The following ZNF407 variants were observed in gnomAD, a reference collection of about 807,000 sequenced individuals.
The protein encoded by ZNF407 is zinc finger protein 407.
In ZNF407, 17 loss-of-function variants were observed where a neutral mutation model predicts 131.2. The observed-to-expected ratio is 0.13, with a 90% CI of 0.09 to 0.19. The LOEUF is 0.19. ZNF407 is among the 10% of genes least tolerant of loss of function. The probability of loss-of-function intolerance (pLI) is 1.00; values close to 1 mark genes in which losing one functional copy is unlikely to be tolerated. For missense variants in ZNF407, 2,681 were observed against 2,830.6 expected, an observed-to-expected ratio of 0.95 and a Z score of 1.20; for synonymous variants, 1,156 against 1,062.0, an observed-to-expected ratio of 1.09 and a Z score of -1.72.
chr18:74,599,456 G>A (rs1380841816), intron 1 of ZNF407, among the ~76,000 whole-genome samples: 1 of 152,142 alleles, frequency 6.6e-6, no homozygotes, highest in Non-Finnish European at 1.5e-5. Context: ...CACCCTTCTA[G>A]GTGTTGGAAA....
intron 1 of ZNF407, among the ~76,000 whole-genome samples, chr18:74,622,829 CGTGTGAGT>C (rs1451851318): frequency 0.019 from 862 of 44,528 alleles, 2 homozygotes; most frequent in Middle Eastern, 0.029. Context: ...AATGTGAGTA[CGTGTGAGT>C]GTGTATCTGA....
At chr18:74,860,618 C>G (rs1327205390) in intron 4 of ZNF407, among the ~76,000 whole-genome samples, 1 of 151,730 alleles carries the variant, frequency 6.6e-6, no homozygotes, top group African/African-American at 2.4e-5. Context: ...TTTGTTGCTG[C>G]CAAAGTAAGT....
chr18:75,038,732 C>T (rs1161129818), intron 8 of ZNF407, among the ~76,000 whole-genome samples: 1 of 152,190 alleles, frequency 6.6e-6, no homozygotes, highest in Non-Finnish European at 1.5e-5. Flanking sequence ...CGCTTAGAAA[C>T]TTAGGAGTTA....
At chr18:75,046,800 A>G (rs1013579041) in intron 8 of ZNF407, among the ~76,000 whole-genome samples, 2 of 150,422 alleles carry the variant, frequency 1.3e-5, no homozygotes, top group African/African-American at 4.9e-5. Context: ...CCCTCCTTGC[A>G]TGTGTTTTCT....
chr18:74,786,847 C>T (rs1969728022), intron 4 of ZNF407, among the ~76,000 whole-genome samples: 2 of 123,452 alleles, frequency 1.6e-5, no homozygotes, highest in African/African-American at 3.1e-5. Flanking sequence ...CTCTTGTTGC[C>T]CAGGCTGGAG....
intron 8 of ZNF407, among the ~76,000 whole-genome samples, chr18:74,973,130 A>ATG (rs1972491133): frequency 7.1e-6 from 1 of 140,868 alleles, no homozygotes; most frequent in Non-Finnish European, 1.5e-5. Context: ...TCTAGGTTTT[A>ATG]TATATATATG....
intron 4 of ZNF407, among the ~76,000 whole-genome samples, chr18:74,824,740 A>G (rs1034619384): frequency 2.0e-5 from 3 of 152,232 alleles, no homozygotes; most frequent in Non-Finnish European, 2.9e-5. Context: ...CAACCAAAAA[A>G]AGTCCAGGAA....
rs775896639 is a variant in ZNF407, at chr18:74,631,616, T to G, written c.597T>G (p.Ser199=). 35 of 1,613,772 alleles carry G rather than the reference T, an allele frequency of 2.2e-5. No individual in the cohort carries two copies. The highest frequency in any genetic ancestry group is 2.9e-5 in the Non-Finnish European group (34 of 1,179,908). Residue 199 remains serine, a synonymous_variant, in exon 2 of 9, where the codon TCT becomes TCG. Transcript: ENST00000299687. ...SICGHLFSSC[S]DLEKHAESHM... is the part of the protein sequence containing the mutation. The stretch of plus-strand genomic sequence containing the variant: ...GTGGGCATTTGTTTTCTTCTTGCTC[T>G]GACTTGGAAAAACATGCTGAGTCTC...
chr18:74,768,105 A>T (rs1969283075), intron 3 of ZNF407, among the ~76,000 whole-genome samples: 1 of 152,190 alleles, frequency 6.6e-6, no homozygotes, highest in Non-Finnish European at 1.5e-5. Flanking sequence ...TAGTATTTTT[A>T]AAGCATTAAA....
intron 3 of ZNF407, among the ~76,000 whole-genome samples, chr18:74,701,544 A>G (rs1303300196): frequency 1.3e-5 from 2 of 152,220 alleles, no homozygotes; most frequent in Non-Finnish European, 2.9e-5. Context: ...AACGAGTACC[A>G]GAAAGCTTCT....
intron 1 of ZNF407, among the ~76,000 whole-genome samples, chr18:74,616,822 G>A (rs1320254845): frequency 0.21 from 993 of 4,790 alleles, 13 homozygotes; most frequent in South Asian, 0.44. Context: ...CACACCACAC[G>A]CATCCATATC....
intron 4 of ZNF407, among the ~76,000 whole-genome samples, chr18:74,807,278 A>G (rs1378318739): frequency 6.6e-6 from 1 of 152,194 alleles, no homozygotes; most frequent in Non-Finnish European, 1.5e-5. Context: ...GTGAAACTGA[A>G]TTAGGAACTG....
chr18:74,856,702 A>G (rs2145153721), intron 4 of ZNF407, among the ~76,000 whole-genome samples: 1 of 152,330 alleles, frequency 6.6e-6, no homozygotes, highest in South Asian at 2.1e-4. Flanking sequence ...TCAGTCTGTA[A>G]AACAGCAAAC....
intron 4 of ZNF407, among the ~76,000 whole-genome samples, chr18:74,835,629 G>GGGTGT (rs1269272236): frequency 1.1e-5 from 1 of 92,144 alleles, no homozygotes; most frequent in South Asian, 4.0e-4. Flanking sequence ...GACAGAGGGG[G>GGGTGT]GTGTGTGTGT....
At chr18:74,817,462 G>A (rs2145096708) in intron 4 of ZNF407, among the ~76,000 whole-genome samples, 1 of 152,166 alleles carries the variant, frequency 6.6e-6, no homozygotes, top group East Asian at 1.9e-4. Flanking sequence ...AATCACTTCT[G>A]CAATCTTCAG....
chr18:74,765,293 A>G (rs1005611280), intron 3 of ZNF407, among the ~76,000 whole-genome samples: 3 of 151,858 alleles, frequency 2.0e-5, no homozygotes, highest in African/African-American at 7.3e-5. Context: ...TCTCCTTATT[A>G]TTGTTCATAT....
intron 1 of ZNF407, among the ~76,000 whole-genome samples, chr18:74,617,182 A>ACCACACATATCCATATCCACG (rs1983350822): frequency 1.1e-5 from 1 of 92,754 alleles, no homozygotes; most frequent in Non-Finnish European, 2.4e-5. Flanking sequence ...CCATATCCAC[A>ACCACACATATCCATATCCACG]CACATCGACA....
chr18:74,935,939 C>T lies in ZNF407; in HGVS notation c.5428+15247C>T, dbSNP rs569913285. On this transcript the variant is annotated intron_variant, in intron 8 of 8. Transcript: ENST00000299687. ...TCCATCCATATTTCTGGCCTTTTCT[C>T]CCTGTATGTAATTTTTTAAAAAAGT... Among the ~76,000 whole-genome samples the T allele has an allele frequency of 3.9e-5, 6 of 152,234 alleles. No individual in the cohort carries two copies. In the South Asian group the frequency reaches 1.2e-3, roughly 32 times the overall value.
intron 3 of ZNF407, among the ~76,000 whole-genome samples, chr18:74,677,807 T>C (rs1451269343): frequency 2.0e-5 from 3 of 152,186 alleles, no homozygotes; most frequent in Non-Finnish European, 4.4e-5. Context: ...TTGATTTTTT[T>C]TCTCTCATTT....
Sources: gnomAD v4.1 joint callset for allele counts (sites outside exome capture counted in the v4.1 genomes callset) on GRCh38, gnomAD v4.1.1 for gene constraint, MANE v1.5 for transcripts, NCBI Gene and HGNC (gene_info 2026-07-23, HGNC 2026-07-21) for gene names.